PTPRN2: variants seen among roughly 807,000 people sequenced by gnomAD.
PTPRN2 encodes receptor-type tyrosine-protein phosphatase N2.
PTPRN2 carries 74 observed loss-of-function variants against 118.8 expected under a neutral mutation model. The observed-to-expected ratio is 0.62, with a 90% CI of 0.52 to 0.76. The LOEUF is 0.76. PTPRN2 is among the 30% of genes least tolerant of loss of function. PTPRN2 has a pLI of 0.00. For synonymous variants in PTPRN2, 641 were observed against 608.0 expected, an observed-to-expected ratio of 1.05 and a Z score of -0.80; for missense variants, 1,481 against 1,394.4, an observed-to-expected ratio of 1.06 and a Z score of -0.99.
At chr7:158,006,255 G>A (rs1354614648) in intron 11 of PTPRN2, among the ~76,000 whole-genome samples, 1 of 152,180 alleles carries the variant, frequency 6.6e-6, no homozygotes, top group African/African-American at 2.4e-5. Context: ...TTTTTAGAGA[G>A]ACAGATCCTA....
chr7:158,402,872 C>T (rs1176911160), intron 2 of PTPRN2, among the ~76,000 whole-genome samples: 4 of 152,114 alleles, frequency 2.6e-5, no homozygotes, highest in African/African-American at 9.7e-5. Context: ...CAGCAGAAAG[C>T]AAAACTCTGA....
chr7:158,333,775 C>T (rs1197428347), intron 2 of PTPRN2, among the ~76,000 whole-genome samples: 22 of 148,592 alleles, frequency 1.5e-4, no homozygotes, highest in Non-Finnish European at 9.0e-5. Flanking sequence ...GCAGACATCA[C>T]TCACACACAC....
chr7:158,414,854 A>C (rs1814519521), intron 2 of PTPRN2, among the ~76,000 whole-genome samples: 1 of 152,232 alleles, frequency 6.6e-6, no homozygotes, highest in Non-Finnish European at 1.5e-5. Flanking sequence ...GCGTGCTGTA[A>C]GGAAAACACT....
At chr7:158,361,853 C>T (rs1809008676) in intron 2 of PTPRN2, among the ~76,000 whole-genome samples, 1 of 152,170 alleles carries the variant, frequency 6.6e-6, no homozygotes, top group Non-Finnish European at 1.5e-5. Context: ...CTGGCACTGC[C>T]CAGTCCTCAC....
intron 11 of PTPRN2, among the ~76,000 whole-genome samples, chr7:157,982,821 C>T (rs1803399205): frequency 1.5e-5 from 2 of 132,980 alleles, no homozygotes; most frequent in South Asian, 5.5e-4. Flanking sequence ...GTGCAGGGTC[C>T]CCCCTAAACC....
At chr7:158,197,732 G>C (rs1014492371) in intron 4 of PTPRN2, among the ~76,000 whole-genome samples, 1 of 152,182 alleles carries the variant, frequency 6.6e-6, no homozygotes, top group Non-Finnish European at 1.5e-5. Context: ...GCAGGAGAGA[G>C]AAGTGCAAGG....
chr7:157,838,384 G>T (rs374605697), intron 12 of PTPRN2, among the ~76,000 whole-genome samples: 1 of 144,056 alleles, frequency 6.9e-6, no homozygotes. Flanking sequence ...GCTCTCTGCC[G>T]TGGCTACTCC....
chr7:158,247,175 G>C (rs1167363545), intron 3 of PTPRN2, among the ~76,000 whole-genome samples: 1 of 152,168 alleles, frequency 6.6e-6, no homozygotes, highest in Non-Finnish European at 1.5e-5. Context: ...ACTACACAGA[G>C]CGTGGCCCGT....
chr7:158,163,803 T>C (rs201462835), intron 6 of PTPRN2, among the ~76,000 whole-genome samples: 1 of 152,122 alleles, frequency 6.6e-6, no homozygotes, highest in Non-Finnish European at 1.5e-5. Context: ...GTGACGCCTG[T>C]ACGGGGTTCT....
Position 158,234,464 on chromosome 7 carries a change from T to C in PTPRN2, c.278-29191A>G, listed in dbSNP as rs988044065. Among the ~76,000 whole-genome samples, 129 of 143,318 alleles carry C rather than the reference T, an allele frequency of 9.0e-4. 1 individual carries two copies. The highest frequency in any genetic ancestry group is 3.2e-3 in the African/African-American group (121 of 38,026). The allele number at this position is 143,318 out of a possible 152,430, so 94.0% of individuals were successfully genotyped here. A position where few individuals can be genotyped will look rare whatever the true frequency, so the allele number is the denominator to read the frequency against. On this transcript the variant is annotated intron_variant, in intron 3 of 22. Coordinates refer to ENST00000389418, the MANE Select transcript of PTPRN2 (RefSeq NM_002847.5). ...TCATCAAATAAAAACACACAAATGG[T>C]AAACAGATATAGTCATCAAATAAAA...
intron 14 of PTPRN2, among the ~76,000 whole-genome samples, chr7:157,642,602 G>A (rs1234225707): frequency 7.9e-5 from 12 of 152,064 alleles, no homozygotes; most frequent in Admixed American, 5.2e-4. Flanking sequence ...AGAAAACGCT[G>A]CACGAATGAG....
At chr7:157,895,215 A>AGGGTCT (rs1797041159) in intron 12 of PTPRN2, among the ~76,000 whole-genome samples, 1 of 152,086 alleles carries the variant, frequency 6.6e-6, no homozygotes, top group South Asian at 2.1e-4. Context: ...AATAAGCCAG[A>AGGGTCT]GGATCTGGAC....
intron 6 of PTPRN2, among the ~76,000 whole-genome samples, chr7:158,150,874 C>G (rs75053497): frequency 6.6e-6 from 1 of 152,032 alleles, no homozygotes; most frequent in East Asian, 1.9e-4. Context: ...TCCAACCCAA[C>G]GTGCTGGTGG....
intron 12 of PTPRN2, among the ~76,000 whole-genome samples, chr7:157,810,824 G>A (rs925746080): frequency 2.6e-5 from 4 of 151,910 alleles, no homozygotes; most frequent in African/African-American, 9.7e-5. Flanking sequence ...CCACGGGGAC[G>A]GCGGGACTGC....
intron 12 of PTPRN2, among the ~76,000 whole-genome samples, chr7:157,888,444 G>A (rs912140023): frequency 7.9e-5 from 12 of 152,140 alleles, no homozygotes; most frequent in East Asian, 1.9e-4. Context: ...CTCTGACCAC[G>A]TGAGCTTCTC....
intron 11 of PTPRN2, among the ~76,000 whole-genome samples, chr7:158,070,660 GCT>G (rs1393717462): frequency 7.6e-6 from 1 of 130,850 alleles, no homozygotes; most frequent in Non-Finnish European, 1.6e-5. Context: ...TGGTGGAGGT[GCT>G]CCTGGTGGTG....
At chr7:157,694,074 T>C (rs926416220) in intron 12 of PTPRN2, among the ~76,000 whole-genome samples, 1 of 152,292 alleles carries the variant, frequency 6.6e-6, no homozygotes, top group African/African-American at 2.4e-5. Flanking sequence ...TTCACAGACA[T>C]GACCTGACAG....
At chr7:158,532,870 C>G (rs1305889649) in intron 1 of PTPRN2, 1 of 521,800 alleles carries the variant, frequency 1.9e-6, no homozygotes, top group Non-Finnish European at 4.0e-6. Flanking sequence ...CTCTGACGCG[C>G]AGACCATCTT....
At chr7:158,398,233 TTG>T (rs1037806913) in intron 2 of PTPRN2, among the ~76,000 whole-genome samples, 1 of 152,236 alleles carries the variant, frequency 6.6e-6, no homozygotes. Flanking sequence ...TTGAACAGAT[TTG>T]TGTTTTCAAA....
Sources: allele counts gnomAD v4.1 joint callset (sites outside exome capture counted in the v4.1 genomes callset), GRCh38; gene constraint gnomAD v4.1.1; transcripts MANE v1.5; gene names NCBI Gene and HGNC (gene_info 2026-07-23, HGNC 2026-07-21).